The following SLIT2 variants were observed in gnomAD, a reference collection of about 807,000 sequenced individuals.
SLIT2 encodes the protein slit homolog 2 protein.
SLIT2 carries 41 observed loss-of-function variants against 185.7 expected under a neutral mutation model. The observed-to-expected ratio is 0.22, with a 90% CI of 0.17 to 0.29. The LOEUF (loss-of-function observed/expected upper bound fraction) is 0.29. Ranked by LOEUF, SLIT2 falls within the 10% of genes least tolerant of loss-of-function variation. The probability of loss-of-function intolerance (pLI) is 1.00; values close to 1 mark genes in which losing one functional copy is unlikely to be tolerated. For synonymous variants in SLIT2, 693 were observed against 680.2 expected, an observed-to-expected ratio of 1.02 and a Z score of -0.29; for missense variants, 1,571 against 1,909.0, an observed-to-expected ratio of 0.82 and a Z score of 3.30.
intron 4 of SLIT2, among the ~76,000 whole-genome samples, chr4:20,363,544 T>C (rs1355120247): frequency 2.0e-5 from 3 of 152,146 alleles, no homozygotes; most frequent in Non-Finnish European, 4.4e-5. Context: ...CACAGCAATG[T>C]ATTTCTAATC....
rs1729913459 is a variant in SLIT2 at position 20,619,196 on chromosome 4, A to T, written c.*187A>T. 1 of 582,988 alleles carries T rather than the reference A, an allele frequency of 1.7e-6. No individual in the cohort carries two copies. Among genetic ancestry groups the T allele is most frequent in the Non-Finnish European group, 2.8e-6 (1 of 353,592 alleles). 36.1% of individuals were successfully genotyped at this position (582,988 alleles called of 1,614,324 possible). A position where few individuals can be genotyped will look rare whatever the true frequency, so the allele number is the denominator to read the frequency against. On this transcript the variant is annotated 3_prime_UTR_variant, in exon 37 of 37. Transcript: ENST00000504154. ...AAAAAAAAAGAAATGCTTGAACTAA[A>T]GCTTCCCCTATGCTGGAGAAGTATG...
Position 20,254,090 on chromosome 4 carries a change from G to A in SLIT2, c.179+96G>A, listed in dbSNP as rs1722269294. The A allele has an allele frequency of 2.3e-6, 3 of 1,292,698 alleles. No homozygotes were observed. The highest frequency in any genetic ancestry group is 3.2e-6 in the Non-Finnish European group (3 of 930,918). 80.1% of individuals were successfully genotyped at this position (1,292,698 alleles called of 1,614,324 possible). ...TGTCAGCTCAGGGTCCTGTGCCTGG[G>A]GCAGCCCTCGCTAGCTCTCCCCCAT... On this transcript the variant is annotated intron_variant, in intron 1 of 36. Coordinates refer to ENST00000504154, the MANE Select transcript of SLIT2 (RefSeq NM_004787.4). The surrounding 1 kb of genome is among the most constrained non-coding windows in gnomAD (Gnocchi z 5.1).
At chr4:20,278,278 A>T (rs991712583) in intron 4 of SLIT2, among the ~76,000 whole-genome samples, 3 of 151,628 alleles carry the variant, frequency 2.0e-5, no homozygotes, top group African/African-American at 4.8e-5. Flanking sequence ...GATAAAACCC[A>T]CTCTCTGTCT....
chr4:20,385,418 G>T, intron 4 of SLIT2, among the ~76,000 whole-genome samples: 1 of 152,130 alleles, frequency 6.6e-6, no homozygotes, highest in East Asian at 1.9e-4. Context: ...GGAGATTAAT[G>T]AATGGATTGA....
chr4:20,412,220 G>A (rs943860773), intron 4 of SLIT2, among the ~76,000 whole-genome samples: 12 of 151,734 alleles, frequency 7.9e-5, no homozygotes, highest in Middle Eastern at 3.5e-3. Context: ...AAAAAAGAAT[G>A]CTCACGTTCT....
chr4:20,557,796 A>G (rs1195917055), intron 26 of SLIT2, among the ~76,000 whole-genome samples: 1 of 152,108 alleles, frequency 6.6e-6, no homozygotes, highest in African/African-American at 2.4e-5. Context: ...ATTCTAGATG[A>G]CATTAAGAAC....
In SLIT2 at chr4:20,596,472, T is replaced by C. The variant is rs1727990278; in HGVS notation, c.3378T>C (p.Asp1126=). The stretch of plus-strand genomic sequence containing the variant: ...TCCTCCCTCGTACCAGCCCCTGTGA[T>C]AATTTTGATTGTCAGAATGGAGCTC... ...PMVLPRTSPC[D]NFDCQNGAQC... The change falls in exon 32 of 37, where the codon GAT becomes GAC. Residue 1126 remains aspartate, a synonymous_variant. Transcript: ENST00000504154. 3 of 1,613,956 alleles carry C rather than the reference T, an allele frequency of 1.9e-6. No individual in the cohort carries two copies. In the African/African-American group the frequency reaches 4.0e-5, roughly 22 times the overall value.
intron 18 of SLIT2, among the ~76,000 whole-genome samples, chr4:20,538,074 C>T (rs1396515848): frequency 6.6e-6 from 1 of 152,220 alleles, no homozygotes; most frequent in Non-Finnish European, 1.5e-5. Flanking sequence ...AGTCTCCTGC[C>T]TCAGCCTCCT....
chr4:20,440,288 C>T (rs370644774), intron 4 of SLIT2, among the ~76,000 whole-genome samples: 1 of 152,180 alleles, frequency 6.6e-6, no homozygotes, highest in South Asian at 2.1e-4. Context: ...TTCATCATTA[C>T]GTTGCATTTC....
At chr4:20,387,067 C>T (rs1724989249) in intron 4 of SLIT2, among the ~76,000 whole-genome samples, 1 of 152,134 alleles carries the variant, frequency 6.6e-6, no homozygotes, top group Admixed American at 6.5e-5. Context: ...AATTACCTGA[C>T]CGCCTTCTGG....
At chr4:20,326,065 T>A (rs1719559826) in intron 4 of SLIT2, among the ~76,000 whole-genome samples, 1 of 152,134 alleles carries the variant, frequency 6.6e-6, no homozygotes. Flanking sequence ...CTTTTATGAT[T>A]TTACTCTGTC....
chr4:20,562,881 T>C (rs1724809074), intron 26 of SLIT2, among the ~76,000 whole-genome samples: 2 of 151,742 alleles, frequency 1.3e-5, no homozygotes, highest in Admixed American at 1.3e-4. Flanking sequence ...GATTTTGTTA[T>C]TTGACCCATG....
At position 20,618,704 on chromosome 4, in the gene SLIT2, C is replaced by G. The variant is rs1048220826; in HGVS notation, c.4349-64C>G. The G allele has an allele frequency of 4.1e-6, 6 of 1,476,956 alleles. No individual in the cohort carries two copies. In the African/African-American group the frequency reaches 8.4e-5, roughly 21 times the overall value. The allele number at this position is 1,476,956 out of a possible 1,614,324, so 91.5% of individuals were successfully genotyped here. ...GCTTCTGAATTAAGTTGTGGATTCA[C>G]AGTCACTCTGCATGACTTACAGTGA... On this transcript the variant is annotated intron_variant, in intron 36 of 36. Coordinates refer to ENST00000504154, the MANE Select transcript of SLIT2 (RefSeq NM_004787.4).
chr4:20,582,566 G>A (rs528435756), intron 29 of SLIT2, among the ~76,000 whole-genome samples: 1 of 152,132 alleles, frequency 6.6e-6, no homozygotes, highest in Non-Finnish European at 1.5e-5. Flanking sequence ...TAAGCCCTTA[G>A]CATGCATGGT....
chr4:20,381,608 A>G (rs1724518809), intron 4 of SLIT2, among the ~76,000 whole-genome samples: 1 of 152,168 alleles, frequency 6.6e-6, no homozygotes, highest in South Asian at 2.1e-4. Context: ...TTTTCCAAAA[A>G]TAGATAGCAT....
intron 4 of SLIT2, among the ~76,000 whole-genome samples, chr4:20,308,952 T>A (rs1288680068): frequency 6.6e-6 from 1 of 152,152 alleles, no homozygotes; most frequent in Non-Finnish European, 1.5e-5. Flanking sequence ...TCATTCTTCA[T>A]TGAGTCTTAT....
chr4:20,519,980 G>A (rs968791071), intron 12 of SLIT2, among the ~76,000 whole-genome samples: 1 of 136,248 alleles, frequency 7.3e-6, no homozygotes, highest in African/African-American at 2.8e-5. Context: ...CTTGCAATGA[G>A]CAGAGATCGC....
chr4:20,597,216 C>T (rs1251305385), intron 32 of SLIT2, among the ~76,000 whole-genome samples: 2 of 151,990 alleles, frequency 1.3e-5, no homozygotes, highest in African/African-American at 4.8e-5. Flanking sequence ...CAAGCATGTG[C>T]CACTATGTCT....
At chr4:20,452,689 G>A (rs940239735) in intron 4 of SLIT2, among the ~76,000 whole-genome samples, 1 of 152,054 alleles carries the variant, frequency 6.6e-6, no homozygotes, top group Non-Finnish European at 1.5e-5. Context: ...CTCCAACACA[G>A]CTTTCAGCCA....
Sources: gnomAD v4.1 joint callset for allele counts (sites outside exome capture counted in the v4.1 genomes callset) on GRCh38, gnomAD v4.1.1 for gene constraint, Gnocchi (gnomAD v3.1) non-coding constraint, MANE v1.5 for transcripts, NCBI Gene and HGNC (gene_info 2026-07-23, HGNC 2026-07-21) for gene names.